The following DTNA variants were observed in gnomAD, a reference collection of about 807,000 sequenced individuals.
DTNA encodes dystrophin-related protein 3.
A neutral mutation model predicts 100.7 loss-of-function variants in DTNA; 43 were observed. That is an observed-to-expected ratio of 0.43 (90% CI 0.33 to 0.55). The LOEUF (loss-of-function observed/expected upper bound fraction) is 0.55. Ranked by LOEUF, DTNA falls within the 20% of genes least tolerant of loss-of-function variation. The pLI, the probability that DTNA is intolerant of heterozygous loss-of-function variation, is 0.04. For synonymous variants in DTNA, 349 were observed against 347.9 expected (o/e 1.00, Z -0.04); for missense variants, 798 against 953.9 (o/e 0.84, Z 2.15).
intron 1 of DTNA, among the ~76,000 whole-genome samples, chr18:34,719,085 T>C (rs2084694728): frequency 1.3e-5 from 2 of 152,038 alleles, no homozygotes; most frequent in South Asian, 4.2e-4. Context: ...CCCAGTACTT[T>C]GGGAGGCTAA....
At chr18:34,667,856 G>A (rs2076161010) in intron 1 of DTNA, among the ~76,000 whole-genome samples, 1 of 152,144 alleles carries the variant, frequency 6.6e-6, no homozygotes, top group African/African-American at 2.4e-5. Context: ...TTGCATCGAT[G>A]TTCATCAGGG....
intron 1 of DTNA, among the ~76,000 whole-genome samples, chr18:34,653,491 A>AG (rs914834660): frequency 3.3e-5 from 5 of 151,356 alleles, no homozygotes; most frequent in African/African-American, 1.2e-4. Flanking sequence ...TGAAAGAACA[A>AG]GAAAAAAAAA....
intron 1 of DTNA, among the ~76,000 whole-genome samples, chr18:34,747,041 G>A (rs2091695746): frequency 6.6e-6 from 1 of 151,548 alleles, no homozygotes; most frequent in South Asian, 2.1e-4. Flanking sequence ...TTTTTTAAAT[G>A]GCATTTTTCT....
chr18:34,815,685 C>T, intron 6 of DTNA: 1 of 499,498 alleles, frequency 2.0e-6, no homozygotes, highest in Admixed American at 3.2e-5. Flanking sequence ...ATTGACTCAG[C>T]CTCAGTGGAG....
chr18:34,590,541 C>T (rs1057199167), intron 1 of DTNA, among the ~76,000 whole-genome samples: 6 of 152,166 alleles, frequency 3.9e-5, no homozygotes, highest in African/African-American at 1.4e-4. Flanking sequence ...CACAGATCAG[C>T]TAAGGCCTGT....
intron 1 of DTNA, among the ~76,000 whole-genome samples, chr18:34,516,928 C>T (rs888463907): frequency 4.6e-5 from 7 of 152,000 alleles, no homozygotes; most frequent in Admixed American, 2.0e-4. Context: ...TAAAGACAGG[C>T]GTAGGAAATT....
At chr18:34,832,774 GA>G (rs967334326) in intron 11 of DTNA, among the ~76,000 whole-genome samples, 6 of 151,734 alleles carry the variant, frequency 4.0e-5, no homozygotes, top group Middle Eastern at 6.8e-3. Flanking sequence ...TTGAAATCTA[GA>G]AAAAAAGAAA....
At chr18:34,515,464 CACA>C (rs2041509168) in intron 1 of DTNA, among the ~76,000 whole-genome samples, 1 of 152,096 alleles carries the variant, frequency 6.6e-6, no homozygotes, top group South Asian at 2.1e-4. Context: ...TACACACAAA[CACA>C]ACAAAACCAT....
chr18:34,672,981 CAT>C (rs1418999348), intron 1 of DTNA, among the ~76,000 whole-genome samples: 54 of 152,274 alleles, frequency 3.5e-4, no homozygotes, highest in African/African-American at 1.3e-3. Flanking sequence ...CACACACACA[CAT>C]ACCCGCAGTT....
chr18:34,816,042 AT>A, intron 7 of DTNA, 28 bp downstream of exon 7: 1 of 1,597,962 alleles, frequency 6.3e-7, no homozygotes, highest in Non-Finnish European at 8.6e-7. Context: ...AGCAAAGGTG[AT>A]TTTTTAAATT....
intron 1 of DTNA, among the ~76,000 whole-genome samples, chr18:34,603,256 T>TA (rs1211816366): frequency 5.9e-5 from 9 of 151,660 alleles, no homozygotes; most frequent in Non-Finnish European, 8.8e-5. Context: ...ATTTAAAAAA[T>TA]AAAAATAAAA....
chr18:34,867,609 C>T (rs914898835), intron 17 of DTNA: 2 of 1,011,842 alleles, frequency 2.0e-6, no homozygotes, highest in South Asian at 4.6e-5. Context: ...CAATTATAAC[C>T]TCCCTCCTCC....
chr18:34,878,614 G>A (rs530133724), intron 19 of DTNA, among the ~76,000 whole-genome samples: 10 of 152,170 alleles, frequency 6.6e-5, no homozygotes, highest in African/African-American at 2.2e-4. Context: ...CATTAATTTG[G>A]AATGCCTGAT....
At chr18:34,703,691 G>A (rs902942265) in intron 1 of DTNA, among the ~76,000 whole-genome samples, 9 of 152,130 alleles carry the variant, frequency 5.9e-5, no homozygotes, top group African/African-American at 1.7e-4. Context: ...ACACCCAGAA[G>A]TGTTCAAAGT....
intron 11 of DTNA, among the ~76,000 whole-genome samples, chr18:34,836,034 T>G (rs535907777): frequency 1.3e-5 from 2 of 152,356 alleles, no homozygotes; most frequent in South Asian, 2.1e-4. Context: ...TGTAATAGAT[T>G]CATCTATCTT....
At chr18:34,691,615 A>G (rs2079777088) in intron 1 of DTNA, among the ~76,000 whole-genome samples, 1 of 152,220 alleles carries the variant, frequency 6.6e-6, no homozygotes, top group African/African-American at 2.4e-5. Flanking sequence ...GCATGTCATA[A>G]TACTGGTACA....
intron 1 of DTNA, among the ~76,000 whole-genome samples, chr18:34,539,849 T>A (rs1200160926): frequency 6.6e-6 from 1 of 151,946 alleles, no homozygotes; most frequent in Non-Finnish European, 1.5e-5. Context: ...AAATGTTCCT[T>A]CTATTTTATA....
intron 1 of DTNA, among the ~76,000 whole-genome samples, chr18:34,749,540 G>A (rs1170918105): frequency 6.6e-6 from 1 of 151,834 alleles, no homozygotes; most frequent in Non-Finnish European, 1.5e-5. Flanking sequence ...AGTCATAGCC[G>A]AGAACTACTA....
intron 11 of DTNA, among the ~76,000 whole-genome samples, chr18:34,836,171 T>C (rs1237402563): frequency 6.6e-6 from 1 of 152,154 alleles, no homozygotes; most frequent in Non-Finnish European, 1.5e-5. Context: ...TAACTGTACA[T>C]CACAGAAAAC....
Sources: gnomAD v4.1 joint callset for allele counts (sites outside exome capture counted in the v4.1 genomes callset) on GRCh38, gnomAD v4.1.1 for gene constraint, MANE v1.5 for transcripts, NCBI Gene and HGNC (gene_info 2026-07-23, HGNC 2026-07-21) for gene names.